Variants in JMJD1C observed in about 807,000 individuals in gnomAD.
JMJD1C encodes the protein jumonji domain containing 1C, also known as jumonji domain-containing protein 1C.
JMJD1C carries 31 observed loss-of-function variants against 245.3 expected under a neutral mutation model. The ratio of observed to expected loss-of-function variants is 0.13; its 90% CI spans 0.09 to 0.17. JMJD1C has a LOEUF of 0.17. JMJD1C is among the 10% of genes least tolerant of loss of function. The pLI is 1.00. For missense variants in JMJD1C, 2,691 were observed against 3,000.2 expected (o/e 0.90, Z 2.41); for synonymous variants, 1,057 against 1,017.4 (o/e 1.04, Z -0.74).
chr10:63,202,550 T>A (rs1166114855), intron 10 of JMJD1C: 1 of 985,312 alleles, frequency 1.0e-6, no homozygotes, highest in Non-Finnish European at 1.2e-6. Flanking sequence ...CCATTTGAAA[T>A]CAGGTCCAAT....
At chr10:63,339,593 G>C (rs1943183936) in intron 2 of JMJD1C, among the ~76,000 whole-genome samples, 1 of 151,068 alleles carries the variant, frequency 6.6e-6, no homozygotes, top group South Asian at 2.1e-4. Flanking sequence ...GACCAGCCTG[G>C]GCAACATAGT....
intron 1 of JMJD1C, among the ~76,000 whole-genome samples, chr10:63,497,223 T>C (rs181195140): frequency 5.3e-4 from 81 of 152,172 alleles, no homozygotes; most frequent in African/African-American, 1.9e-3. Flanking sequence ...CAAATATTTG[T>C]ACATATATGT....
chr10:63,171,827 G>A (rs1198358247), intron 24 of JMJD1C, among the ~76,000 whole-genome samples: 1 of 152,172 alleles, frequency 6.6e-6, no homozygotes, highest in East Asian at 1.9e-4. Context: ...ATAGCCTACT[G>A]GAAGTGTTGA....
rs1480098698 is a variant in JMJD1C, at chr10:63,403,781, T to C, written c.169-23299A>G. On this transcript the variant is annotated intron_variant, in intron 1 of 25. Transcript: ENST00000399262. The stretch of plus-strand genomic sequence containing the variant: ...GTGAAACCCCATCTCTACTAAAAAA[T>C]ACAAAAAGGCCGGGCGTGGTGGCTC... 2.6e-5 allele frequency among the ~76,000 whole-genome samples: 4 copies of C among 151,836 alleles called. No individual in the cohort carries two copies. The South Asian group carries it at 6.2e-4, about 24-fold the overall frequency.
Position 63,284,902 on chromosome 10 carries a change from CACACAT to C in JMJD1C, c.334-20144_334-20139del, listed in dbSNP as rs1414121179. ...ACACACACACACACACACACACACA[CACACAT>C]TCTCTCTACTCGCTGTCTCTCACAC... On this transcript the variant is annotated intron_variant, in intron 2 of 25. Transcript: ENST00000399262. Among the ~76,000 whole-genome samples, 277 of 119,934 alleles carry C rather than the reference CACACAT, an allele frequency of 2.3e-3. 1 individual carries two copies. The highest frequency in any genetic ancestry group is 0.02 in the East Asian group (71 of 3,514). The allele number at this position is 119,934 out of a possible 152,430, so 78.7% of individuals were successfully genotyped here.
chr10:63,249,532 G>A (rs1186474370), intron 3 of JMJD1C, among the ~76,000 whole-genome samples: 1 of 152,126 alleles, frequency 6.6e-6, no homozygotes, highest in African/African-American at 2.4e-5. Flanking sequence ...TTCCAAATAG[G>A]TGGAAGAGAA....
chr10:63,360,929 C>G (rs559809961), intron 2 of JMJD1C, among the ~76,000 whole-genome samples: 1 of 152,030 alleles, frequency 6.6e-6, no homozygotes, highest in Non-Finnish European at 1.5e-5. Context: ...GGATTACATG[C>G]GTGAGCCACC....
intron 2 of JMJD1C, among the ~76,000 whole-genome samples, chr10:63,374,299 A>G (rs1383493528): frequency 6.6e-6 from 1 of 152,244 alleles, no homozygotes; most frequent in Non-Finnish European, 1.5e-5. Context: ...AAATTGAAAC[A>G]ACGAAATATT....
chr10:63,481,961 T>C (rs1297564708), intron 1 of JMJD1C, among the ~76,000 whole-genome samples: 1 of 152,188 alleles, frequency 6.6e-6, no homozygotes, highest in African/African-American at 2.4e-5. Context: ...TCTAGATGTA[T>C]GACGAACTCA....
intron 2 of JMJD1C, among the ~76,000 whole-genome samples, chr10:63,284,072 T>A (rs1857702523): frequency 1.3e-5 from 2 of 151,834 alleles, no homozygotes; most frequent in South Asian, 4.2e-4. Flanking sequence ...GTCACTCAGG[T>A]TGGAGTGCAG....
intron 13 of JMJD1C, among the ~76,000 whole-genome samples, chr10:63,196,491 C>T (rs1391557256): frequency 6.6e-6 from 1 of 152,170 alleles, no homozygotes; most frequent in African/African-American, 2.4e-5. Flanking sequence ...TATGCTTCCA[C>T]ATTTGCTCAG....
chr10:63,510,419 T>C (rs1954841190), intron 1 of JMJD1C, among the ~76,000 whole-genome samples: 2 of 152,262 alleles, frequency 1.3e-5, no homozygotes, highest in South Asian at 4.1e-4. Context: ...TTTTGATTTA[T>C]TTCAAAATAT....
intron 3 of JMJD1C, among the ~76,000 whole-genome samples, chr10:63,224,975 T>C (rs1849068276): frequency 6.6e-6 from 1 of 151,398 alleles, no homozygotes; most frequent in African/African-American, 2.4e-5. Context: ...GGCAGGAGAA[T>C]CGCTTGAACC....
At chr10:63,465,161 G>A (rs190712219) in intron 1 of JMJD1C, 3,926 of 309,702 alleles carry the variant, frequency 0.013, 36 homozygotes, top group Admixed American at 0.018. Context: ...CCCGCGCGGC[G>A]CCGGACTCGC....
intron 3 of JMJD1C, among the ~76,000 whole-genome samples, chr10:63,234,504 A>AAAAAAAAC (rs1850437678): frequency 6.8e-6 from 1 of 146,280 alleles, no homozygotes; most frequent in Non-Finnish European, 1.5e-5. Flanking sequence ...AAAAAAAAAA[A>AAAAAAAAC]AAAAAAAAAA....
At chr10:63,348,792 G>T (rs1330531961) in intron 2 of JMJD1C, among the ~76,000 whole-genome samples, 1 of 152,064 alleles carries the variant, frequency 6.6e-6, no homozygotes, top group African/African-American at 2.4e-5. Context: ...CACTCTATTA[G>T]TTCCCAGGAA....
intron 1 of JMJD1C, among the ~76,000 whole-genome samples, chr10:63,444,791 A>T (rs1310030760): frequency 6.6e-6 from 1 of 152,164 alleles, no homozygotes; most frequent in Non-Finnish European, 1.5e-5. Context: ...ACGCCCAGCT[A>T]ATTTTTTTGT....
At chr10:63,265,340 A>G (rs1215196458) in intron 2 of JMJD1C, among the ~76,000 whole-genome samples, 2 of 151,032 alleles carry the variant, frequency 1.3e-5, no homozygotes, top group African/African-American at 4.9e-5. Flanking sequence ...GGGAGTAGAG[A>G]GAGTCCGGTA....
At chr10:63,368,074 AG>A (rs554018526) in intron 2 of JMJD1C, among the ~76,000 whole-genome samples, 2 of 152,342 alleles carry the variant, frequency 1.3e-5, no homozygotes, top group South Asian at 4.1e-4. Context: ...AGTACAGAAT[AG>A]AAGCTGGGCA....
Sources: gnomAD v4.1 joint callset for allele counts (sites outside exome capture counted in the v4.1 genomes callset) on GRCh38, gnomAD v4.1.1 for gene constraint, MANE v1.5 for transcripts, NCBI Gene and HGNC (gene_info 2026-07-23, HGNC 2026-07-21) for gene names.